Variants in USP6NL observed in about 807,000 individuals in gnomAD.
USP6NL encodes the protein USP6 N-terminal like.
A neutral mutation model predicts 61.9 loss-of-function variants in USP6NL; 26 were observed. The ratio of observed to expected loss-of-function variants is 0.42; its 90% CI spans 0.31 to 0.58. USP6NL has a LOEUF of 0.58. Among genes scored for constraint, USP6NL ranks in the 20% least tolerant of loss-of-function variants. The probability of loss-of-function intolerance (pLI) is 0.16; values close to 1 mark genes in which losing one functional copy is unlikely to be tolerated. For missense variants in USP6NL, 1,114 were observed against 1,034.3 expected (o/e 1.08, Z -1.06); for synonymous variants, 432 against 390.1 (o/e 1.11, Z -1.27).
At chr10:11,601,634 T>C (rs1333686149) in intron 1 of USP6NL, among the ~76,000 whole-genome samples, 2 of 152,210 alleles carry the variant, frequency 1.3e-5, no homozygotes, top group African/African-American at 4.8e-5. Flanking sequence ...TGTAACCACA[T>C]ATATAAAGGG....
At chr10:11,569,958 TAAC>T (rs1684557831) in intron 2 of USP6NL, among the ~76,000 whole-genome samples, 2 of 152,322 alleles carry the variant, frequency 1.3e-5, no homozygotes, top group Admixed American at 6.5e-5. Flanking sequence ...TTGCCATACT[TAAC>T]AATTTGCAGC....
At chr10:11,514,935 C>T (rs1349261632) in intron 5 of USP6NL, among the ~76,000 whole-genome samples, 2 of 152,214 alleles carry the variant, frequency 1.3e-5, no homozygotes, top group Non-Finnish European at 2.9e-5. Context: ...TGCTACACTG[C>T]TGTATACTTT....
At position 11,482,265 on chromosome 10, in the gene USP6NL, G is replaced by A. The variant is rs1302528738; in HGVS notation, c.926-343C>T. Among the ~76,000 whole-genome samples, 1 of 152,238 alleles carries A rather than the reference G, an allele frequency of 6.6e-6. No homozygotes were observed. Among genetic ancestry groups the A allele is most frequent in the African/African-American group, 2.4e-5 (1 of 41,468 alleles). ...ACAGAAAGACTACCTCAGCCGGCATGAGGCCTTTCTCTTTTATTGATACGG... is the reference window on the plus strand; with the variant it reads ...ACAGAAAGACTACCTCAGCCGGCATAAGGCCTTTCTCTTTTATTGATACGG... On this transcript the variant is annotated intron_variant, in intron 13 of 14. Coordinates refer to ENST00000609104, the MANE Select transcript of USP6NL (RefSeq NM_014688.5). The surrounding 1 kb of genome is among the most constrained non-coding windows in gnomAD (Gnocchi z 4.0).
chr10:11,525,396 C>A lies in USP6NL; in HGVS notation c.145G>T (p.Gly49Cys). The change falls in exon 4 of 15, where the codon GGC (glycine) becomes TGC (cysteine). Residue 49 changes from glycine (G) to cysteine (C), a missense_variant. Transcript: ENST00000609104. This position sits in a 1 kb window ranked among gnomAD's most constrained non-coding sequence, Gnocchi z 5.0. ...ATCTATGTGACTTACTGTAAAAAGC[C>A]AAATCTATCTGTGACTTTGTAAACA... ...YLVYKVTDRFGFLHEEELPDH... is the reference protein window; with the variant it reads ...YLVYKVTDRFCFLHEEELPDH... The A allele has an allele frequency of 6.3e-7, 1 of 1,597,836 alleles. No individual in the cohort carries two copies. The highest frequency in any genetic ancestry group is 2.3e-5 in the East Asian group (1 of 43,626).
intron 2 of USP6NL, among the ~76,000 whole-genome samples, chr10:11,547,699 C>A (rs1207441661): frequency 6.6e-6 from 1 of 152,130 alleles, no homozygotes; most frequent in Non-Finnish European, 1.5e-5. Flanking sequence ...CGCCATCACG[C>A]CCAGCTAATT....
At chr10:11,579,967 G>C (rs932370123) in intron 2 of USP6NL, among the ~76,000 whole-genome samples, 3 of 147,932 alleles carry the variant, frequency 2.0e-5, no homozygotes, top group Non-Finnish European at 3.0e-5. Flanking sequence ...GAGTGGCGGG[G>C]GGGGGGCAGC....
chr10:11,599,530 A>C (rs1283097928), intron 1 of USP6NL, among the ~76,000 whole-genome samples: 5 of 152,226 alleles, frequency 3.3e-5, no homozygotes, highest in African/African-American at 9.7e-5. Context: ...TAAAACTTAT[A>C]AACACTAGAC....
At position 11,468,131 on chromosome 10, in the gene USP6NL, A is replaced by C. The variant is rs569799800; in HGVS notation, c.1079-4282T>G. ...TTGCTTTCTGAGTGATCAAAAATCC[A>C]TTTTTAATTAATCCATTTATTGATT... On this transcript the variant is annotated intron_variant, in intron 14 of 14. Transcript: ENST00000609104. The surrounding 1 kb of genome is among the most constrained non-coding windows in gnomAD (Gnocchi z 4.5). Among the ~76,000 whole-genome samples, 37 of 152,218 alleles carry C rather than the reference A, an allele frequency of 2.4e-4. No individual in the cohort carries two copies. Among genetic ancestry groups the C allele is most frequent in the Admixed American group, 5.2e-4 (8 of 15,280 alleles).
intron 2 of USP6NL, among the ~76,000 whole-genome samples, chr10:11,594,604 C>A (rs185043856): frequency 1.3e-5 from 2 of 152,196 alleles, no homozygotes; most frequent in Admixed American, 1.3e-4. Context: ...TCACTAGCAA[C>A]ACCTATGTGG....
At chr10:11,580,807 T>C (rs549610464) in intron 2 of USP6NL, among the ~76,000 whole-genome samples, 1 of 152,236 alleles carries the variant, frequency 6.6e-6, no homozygotes, top group Non-Finnish European at 1.5e-5. Flanking sequence ...ATATCATGAT[T>C]TCACTCGTTG....
In USP6NL at chr10:11,586,779, G is replaced by A. The variant is rs1588413913; in HGVS notation, c.4+10852C>T. Reference sequence around the variant, plus strand: ...GATAAAAGTATAAATAGAGGCAAGAGGGGAGTACTTGCCTAAACTAAACTT... The same window carrying A: ...GATAAAAGTATAAATAGAGGCAAGAAGGGAGTACTTGCCTAAACTAAACTT... On this transcript the variant is annotated intron_variant, in intron 2 of 14. Transcript: ENST00000609104. Among the ~76,000 whole-genome samples the A allele has an allele frequency of 3.0e-5, 4 of 131,744 alleles. No homozygotes were observed. In the East Asian group the frequency reaches 7.8e-4, roughly 26 times the overall value. 86.4% of individuals were successfully genotyped at this position (131,744 alleles called of 152,430 possible).
chr10:11,555,433 A>AT (rs1555171083), intron 2 of USP6NL, among the ~76,000 whole-genome samples: 597 of 48,982 alleles, frequency 0.012, 8 homozygotes, highest in African/African-American at 0.026. Context: ...AAAAAAAAAA[A>AT]ATATATATAT....
In USP6NL at chr10:11,595,676, G is replaced by A. The variant is rs918790819; in HGVS notation, c.4+1955C>T. Among the ~76,000 whole-genome samples, 2 of 151,944 alleles carry A rather than the reference G, an allele frequency of 1.3e-5. No homozygotes were observed. The highest frequency in any genetic ancestry group is 2.9e-5 in the Non-Finnish European group (2 of 67,958). Reference sequence around the variant, plus strand: ...CAAAAAGAAAGAGAGAGACATAAGAGCAAAAAAACTTCCATCAGAATGTGC... The same window carrying A: ...CAAAAAGAAAGAGAGAGACATAAGAACAAAAAAACTTCCATCAGAATGTGC... On this transcript the variant is annotated intron_variant, in intron 2 of 14. Coordinates refer to ENST00000609104, the MANE Select transcript of USP6NL (RefSeq NM_014688.5). This position sits in a 1 kb window ranked among gnomAD's most constrained non-coding sequence, Gnocchi z 5.3.
At position 11,561,444 on chromosome 10, in the gene USP6NL, C is replaced by T. The variant is rs1836925839; in HGVS notation, c.5-33877G>A. On this transcript the variant is annotated intron_variant, in intron 2 of 14. Transcript: ENST00000609104. The surrounding 1 kb of genome is among the most constrained non-coding windows in gnomAD (Gnocchi z 4.1). Reference sequence around the variant, plus strand: ...ACGTGCACAAGAACATATACGAACACACGCATATGTATAAGGCACACAACA... The same window carrying T: ...ACGTGCACAAGAACATATACGAACATACGCATATGTATAAGGCACACAACA... 6.6e-6 allele frequency among the ~76,000 whole-genome samples: 1 copy of T among 152,192 alleles called. No homozygotes were observed. Among genetic ancestry groups the T allele is most frequent in the Non-Finnish European group, 1.5e-5 (1 of 68,034 alleles).
chr10:11,511,816 T>C lies in USP6NL; in HGVS notation c.196-2141A>G, dbSNP rs1239692208. Among the ~76,000 whole-genome samples the C allele has an allele frequency of 7.1e-6, 1 of 141,202 alleles. No homozygotes were observed. The highest frequency in any genetic ancestry group is 1.5e-5 in the Non-Finnish European group (1 of 64,928). The allele number at this position is 141,202 out of a possible 152,430, so 92.6% of individuals were successfully genotyped here. A position where few individuals can be genotyped will look rare whatever the true frequency, so the allele number is the denominator to read the frequency against. ...CCCTACAGCAAAAAATAAAATAAAATAATATATATTATACACACACACACA... is the reference window on the plus strand; with the variant it reads ...CCCTACAGCAAAAAATAAAATAAAACAATATATATTATACACACACACACA... On this transcript the variant is annotated intron_variant, in intron 5 of 14. Transcript: ENST00000609104. The surrounding 1 kb of genome is among the most constrained non-coding windows in gnomAD (Gnocchi z 4.9).
chr10:11,611,269 C>T lies in USP6NL; in HGVS notation c.-84+174G>A, dbSNP rs2133703461. 1 of 151,982 alleles carries T rather than the reference C, an allele frequency of 6.6e-6. No individual in the cohort carries two copies. Among genetic ancestry groups the T allele is most frequent in the Non-Finnish European group, 1.5e-5 (1 of 67,942 alleles). The allele number at this position is 151,982 out of a possible 1,614,324, so 9.4% of individuals were successfully genotyped here. A position where few individuals can be genotyped will look rare whatever the true frequency, so the allele number is the denominator to read the frequency against. ...CACACAGGCAGCCCCCGCACTGTGC[C>T]CGAGCCGCCCCCCAGGGCCGAGCCG... On this transcript the variant is annotated intron_variant, in intron 1 of 14. Transcript: ENST00000609104. This position sits in a 1 kb window ranked among gnomAD's most constrained non-coding sequence, Gnocchi z 5.3.
At position 11,609,585 on chromosome 10, in the gene USP6NL, C is replaced by A. The variant is rs144505983; in HGVS notation, c.-84+1858G>T. Among the ~76,000 whole-genome samples, 14 of 152,370 alleles carry A rather than the reference C, an allele frequency of 9.2e-5. No individual in the cohort carries two copies. The East Asian group carries it at 2.7e-3, about 29-fold the overall frequency. ...TTCTACTACATTAACATTCCTCACA[C>A]TTTCTAATCAGAGTAATTTTGTTTG... is the stretch of plus-strand genomic sequence containing the variant. On this transcript the variant is annotated intron_variant, in intron 1 of 14. Transcript: ENST00000609104.
At chr10:11,523,547 T>TA (rs1835292507) in intron 4 of USP6NL, among the ~76,000 whole-genome samples, 1 of 152,244 alleles carries the variant, frequency 6.6e-6, no homozygotes, top group Admixed American at 6.5e-5. Flanking sequence ...AGGGTGTGTT[T>TA]AAATGTTAAT....
chr10:11,537,055 A>G lies in USP6NL; in HGVS notation c.5-9488T>C, dbSNP rs1047215878. Among the ~76,000 whole-genome samples the G allele has an allele frequency of 1.3e-5, 2 of 152,196 alleles. No individual in the cohort carries two copies. Among genetic ancestry groups the G allele is most frequent in the Admixed American group, 1.3e-4 (2 of 15,286 alleles). The stretch of plus-strand genomic sequence containing the variant: ...TCAGAAATGCCCAGATTTTCTCTTC[A>G]GAAGAGCCACACAAGTTCCATACAT... On this transcript the variant is annotated intron_variant, in intron 2 of 14. Transcript: ENST00000609104. The surrounding 1 kb of genome is among the most constrained non-coding windows in gnomAD (Gnocchi z 5.1).
Sources: allele counts gnomAD v4.1 joint callset (sites outside exome capture counted in the v4.1 genomes callset), GRCh38; gene constraint gnomAD v4.1.1; non-coding constraint Gnocchi (gnomAD v3.1); transcripts MANE v1.5; gene names NCBI Gene and HGNC (gene_info 2026-07-23, HGNC 2026-07-21).